CDK14: variants seen among roughly 807,000 people sequenced by gnomAD.
The protein encoded by CDK14 is cyclin dependent kinase 14.
A neutral mutation model predicts 60.7 loss-of-function variants in CDK14; 34 were observed. The observed-to-expected ratio is 0.56, with a 90% confidence interval of 0.43 to 0.75. The LOEUF (loss-of-function observed/expected upper bound fraction) is 0.75. Among genes scored for constraint, CDK14 ranks in the 30% least tolerant of loss-of-function variants. The probability of loss-of-function intolerance (pLI) is 0.00; values close to 1 mark genes in which losing one functional copy is unlikely to be tolerated. For synonymous variants in CDK14, 197 were observed against 203.7 expected (o/e 0.97, Z 0.28); for missense variants, 482 against 564.1 (o/e 0.85, Z 1.47).
chr7:90,888,780 C>G (rs565463575), intron 6 of CDK14, among the ~76,000 whole-genome samples: 2 of 152,156 alleles, frequency 1.3e-5, no homozygotes, highest in African/African-American at 4.8e-5. Context: ...TTAAACAATT[C>G]TTGAGCATAT....
Position 90,650,886 on chromosome 7 carries a change from ATT to A in CDK14, c.123+46638_123+46639del, listed in dbSNP as rs1371014063. On this transcript the variant is annotated intron_variant, in intron 2 of 14. Transcript: ENST00000380050. The stretch of plus-strand genomic sequence containing the variant: ...CTTGTAGTATAGTTTGAAGTCAGGT[ATT>A]GTGATGCCTCCAGCTTTGTTCTTTT... Among the ~76,000 whole-genome samples the A allele has an allele frequency of 5.3e-5, 8 of 152,276 alleles. No homozygotes were observed. The East Asian group carries it at 1.3e-3, about 26-fold the overall frequency.
intron 8 of CDK14, among the ~76,000 whole-genome samples, chr7:90,945,602 A>G (rs1794077372): frequency 6.6e-6 from 1 of 152,192 alleles, no homozygotes; most frequent in Non-Finnish European, 1.5e-5. Context: ...CAGGAGAACA[A>G]ATATACTGAG....
intron 12 of CDK14, among the ~76,000 whole-genome samples, chr7:91,108,658 A>G (rs1206918249): frequency 6.6e-6 from 1 of 152,180 alleles, no homozygotes; most frequent in Non-Finnish European, 1.5e-5. Context: ...AGTGTACGTC[A>G]GATTTGTGTA....
chr7:90,762,317 C>T (rs1295880814), intron 4 of CDK14, among the ~76,000 whole-genome samples: 2 of 152,074 alleles, frequency 1.3e-5, no homozygotes, highest in Non-Finnish European at 2.9e-5. Context: ...GTACTGGGAT[C>T]TGCTGGTGGG....
At chr7:91,111,617 C>T (rs769920824) in intron 12 of CDK14, among the ~76,000 whole-genome samples, 1 of 152,198 alleles carries the variant, frequency 6.6e-6, no homozygotes, top group Admixed American at 6.5e-5. Flanking sequence ...CCATCTCTGA[C>T]TCCTACTTGG....
chr7:90,825,902 A>C (rs1219335369), intron 5 of CDK14, among the ~76,000 whole-genome samples: 3 of 152,208 alleles, frequency 2.0e-5, no homozygotes, highest in African/African-American at 4.8e-5. Flanking sequence ...TGTGGTAGTT[A>C]TGTCTCTGTT....
chr7:90,790,709 T>C, intron 5 of CDK14, 57 bp downstream of exon 5: 1 of 1,091,382 alleles, frequency 9.2e-7, no homozygotes, highest in African/African-American at 1.6e-5. Flanking sequence ...CCGTAGCTAT[T>C]TTAATATTAT....
intron 4 of CDK14, among the ~76,000 whole-genome samples, chr7:90,755,648 G>A (rs1804024912): frequency 6.6e-6 from 1 of 151,988 alleles, no homozygotes; most frequent in South Asian, 2.1e-4. Context: ...ATTTTTTTAA[G>A]AAAATTTGAA....
chr7:91,055,484 T>G (rs1356765179), intron 11 of CDK14, among the ~76,000 whole-genome samples: 1 of 152,144 alleles, frequency 6.6e-6, no homozygotes, highest in African/African-American at 2.4e-5. Context: ...GAAAAAAAAG[T>G]AGTAAGATTA....
At chr7:90,634,084 A>T (rs1228861004) in intron 2 of CDK14, among the ~76,000 whole-genome samples, 2 of 151,838 alleles carry the variant, frequency 1.3e-5, no homozygotes, top group Admixed American at 6.6e-5. Context: ...GTTAATATGC[A>T]TAGAAAGTTT....
intron 2 of CDK14, among the ~76,000 whole-genome samples, chr7:90,633,404 C>A (rs1471968430): frequency 6.6e-6 from 1 of 152,056 alleles, no homozygotes; most frequent in African/African-American, 2.4e-5. Context: ...TAGATATATG[C>A]AAACAATTAA....
rs74930905 is a variant in CDK14 at position 90,964,052 on chromosome 7, A to G, written c.947+8235A>G. On this transcript the variant is annotated intron_variant, in intron 9 of 14. Coordinates refer to ENST00000380050, the MANE Select transcript of CDK14 (RefSeq NM_001287135.2). ...AAAGGAAAATTAGAAGAATTACATA[A>G]TTGTTTTATGATAATTATCCTTGAC... Among the ~76,000 whole-genome samples the G allele has an allele frequency of 2.0e-3, 304 of 152,216 alleles. 1 individual carries two copies. The highest frequency in any genetic ancestry group is 7.1e-3 in the African/African-American group (293 of 41,532).
chr7:90,735,481 C>T (rs1371271656), intron 3 of CDK14, among the ~76,000 whole-genome samples: 3 of 152,240 alleles, frequency 2.0e-5, no homozygotes, highest in African/African-American at 7.2e-5. Flanking sequence ...TGACTTGGGG[C>T]TGCTGCCTTT....
At chr7:90,730,019 C>T (rs1190063686) in intron 3 of CDK14, among the ~76,000 whole-genome samples, 1 of 151,992 alleles carries the variant, frequency 6.6e-6, no homozygotes, top group Non-Finnish European at 1.5e-5. Flanking sequence ...TGCTATCCCT[C>T]CCCTAGCCCT....
chr7:91,024,308 G>A (rs559818824), intron 10 of CDK14, among the ~76,000 whole-genome samples: 3 of 152,216 alleles, frequency 2.0e-5, no homozygotes, highest in African/African-American at 4.8e-5. Context: ...ACTGACTCAC[G>A]GGGAAGTTAA....
At chr7:90,786,780 G>A (rs998793208) in intron 4 of CDK14, among the ~76,000 whole-genome samples, 7 of 150,900 alleles carry the variant, frequency 4.6e-5, no homozygotes, top group African/African-American at 9.7e-5. Context: ...TTAGCCTGAC[G>A]TGATGGCATG....
intron 8 of CDK14, among the ~76,000 whole-genome samples, chr7:90,947,372 C>G (rs1328265395): frequency 6.6e-6 from 1 of 152,180 alleles, no homozygotes; most frequent in Non-Finnish European, 1.5e-5. Flanking sequence ...TCCCAGTCTT[C>G]TTGGGGAGGT....
intron 5 of CDK14, among the ~76,000 whole-genome samples, chr7:90,833,756 A>G (rs969859421): frequency 2.0e-5 from 3 of 152,194 alleles, no homozygotes; most frequent in African/African-American, 7.2e-5. Context: ...CCTTTTATGT[A>G]GCTTGTATCT....
chr7:90,801,045 A>G (rs763728848), intron 5 of CDK14, among the ~76,000 whole-genome samples: 2 of 152,302 alleles, frequency 1.3e-5, no homozygotes, highest in East Asian at 1.9e-4. Context: ...TTAGCTAATT[A>G]TGTCTGCAAA....
Sources: allele counts gnomAD v4.1 joint callset (sites outside exome capture counted in the v4.1 genomes callset), GRCh38; gene constraint gnomAD v4.1.1; transcripts MANE v1.5; gene names NCBI Gene and HGNC (gene_info 2026-07-23, HGNC 2026-07-21).